The following GNB4 variants were observed in gnomAD, a reference collection of about 807,000 sequenced individuals.
GNB4 encodes G protein subunit beta 4, also known as guanine nucleotide-binding protein subunit beta-4.
Under a neutral mutation model 45.2 loss-of-function variants are expected in GNB4, and 28 were observed. The ratio of observed to expected loss-of-function variants is 0.62; its 90% CI spans 0.46 to 0.85. The LOEUF (loss-of-function observed/expected upper bound fraction) is 0.85, where lower values mean the gene tolerates loss of function less well. GNB4 is among the 40% of genes least tolerant of loss of function. The probability of loss-of-function intolerance (pLI) is 0.00; values close to 1 mark genes in which losing one functional copy is unlikely to be tolerated. For synonymous variants in GNB4, 132 were observed against 143.7 expected, an observed-to-expected ratio of 0.92 and a Z score of 0.58; for missense variants, 321 against 425.4, an observed-to-expected ratio of 0.75 and a Z score of 2.16.
At position 179,409,680 on chromosome 3, in the gene GNB4, T is replaced by G. The variant is rs7651877; in HGVS notation, c.699+3732A>C. ...CAAAAATTAGCTGGGCGTGGTGGTG[T>G]GCGCCTGTAGTCTCAGTTACTTCGA... On this transcript the variant is annotated intron_variant, in intron 8 of 9. Transcript: ENST00000232564. Among the ~76,000 whole-genome samples, 19 of 151,310 alleles carry G rather than the reference T, an allele frequency of 1.3e-4. No homozygotes were observed. The East Asian group carries it at 3.1e-3, about 25-fold the overall frequency.
At chr3:179,427,217 C>T (rs1213439098) in intron 1 of GNB4, among the ~76,000 whole-genome samples, 2 of 152,040 alleles carry the variant, frequency 1.3e-5, no homozygotes, top group Admixed American at 1.3e-4. Context: ...CACATGTGCA[C>T]CCAAACATGC....
chr3:179,409,826 AACAAAAC>A (rs1714596240), intron 8 of GNB4, among the ~76,000 whole-genome samples: 1 of 116,866 alleles, frequency 8.6e-6, no homozygotes, highest in African/African-American at 3.4e-5. Flanking sequence ...AAAACAAAAA[AACAAAAC>A]AAAAAAAAAA....
the GNB4 span, among the ~76,000 whole-genome samples, chr3:179,504,860 G>T: frequency 1.3e-5 from 2 of 152,274 alleles, no homozygotes; most frequent in Admixed American, 6.5e-5. Flanking sequence ...AGAGAAACTG[G>T]CTCTGGGGTG....
the GNB4 span, among the ~76,000 whole-genome samples, chr3:179,502,052 G>T: frequency 1.3e-5 from 2 of 151,976 alleles, no homozygotes; most frequent in Admixed American, 6.6e-5. Context: ...ATTTCAGTGG[G>T]AATGATCTTA....
chr3:179,445,162 T>C (rs1435927512), intron 1 of GNB4, among the ~76,000 whole-genome samples: 3 of 152,240 alleles, frequency 2.0e-5, no homozygotes, highest in African/African-American at 7.2e-5. Context: ...GAGAAATTGA[T>C]AGAATCTGTT....
chr3:179,481,283 A>G, the GNB4 span, among the ~76,000 whole-genome samples: 1 of 152,198 alleles, frequency 6.6e-6, no homozygotes, highest in Non-Finnish European at 1.5e-5. Flanking sequence ...AAAGACAGCC[A>G]AAGTCATTGC....
intron 1 of GNB4, among the ~76,000 whole-genome samples, chr3:179,427,937 C>T (rs1715193563): frequency 6.6e-6 from 1 of 152,042 alleles, no homozygotes; most frequent in Admixed American, 6.6e-5. Context: ...AAGTACAAAA[C>T]CCAAGCCTAT....
chr3:179,527,786 ATGTATG>A, the GNB4 span, among the ~76,000 whole-genome samples: 7,395 of 124,892 alleles, frequency 0.059, 221 homozygotes, highest in Middle Eastern at 0.12. Flanking sequence ...GCGTGTGTGT[ATGTATG>A]TGTGTGTGTG....
the GNB4 span, among the ~76,000 whole-genome samples, chr3:179,495,594 T>G: frequency 2.7e-4 from 31 of 115,166 alleles, no homozygotes; most frequent in Admixed American, 5.9e-4. Context: ...AAGCAGGGAG[T>G]CAGGGAGGGA....
chr3:179,443,251 T>A (rs1715638526), intron 1 of GNB4, among the ~76,000 whole-genome samples: 1 of 152,120 alleles, frequency 6.6e-6, no homozygotes, highest in South Asian at 2.1e-4. Flanking sequence ...AAGTAAAATA[T>A]CTTATGGCTG....
the GNB4 span, chr3:179,464,845 G>T: frequency 1.5e-6 from 2 of 1,337,464 alleles, no homozygotes; most frequent in Non-Finnish European, 2.2e-6. Flanking sequence ...GAATGTGTTT[G>T]GACCAGTATT....
intron 1 of GNB4, among the ~76,000 whole-genome samples, chr3:179,436,046 CCAA>C (rs1715438528): frequency 1.3e-5 from 2 of 152,138 alleles, no homozygotes; most frequent in Admixed American, 6.5e-5. Flanking sequence ...AAGTTTCATA[CCAA>C]TCATGAAAGC....
chr3:179,516,886 G>A, the GNB4 span, among the ~76,000 whole-genome samples: 10 of 152,118 alleles, frequency 6.6e-5, no homozygotes, highest in Non-Finnish European at 1.0e-4. Context: ...TAACCATTGC[G>A]CTGAGTGATG....
At chr3:179,446,837 C>T (rs114042047) in intron 1 of GNB4, among the ~76,000 whole-genome samples, 218 of 152,306 alleles carry the variant, frequency 1.4e-3, no homozygotes, top group African/African-American at 2.6e-3. Flanking sequence ...CCATTTGAAA[C>T]GGCATTAGCT....
chr3:179,495,588 AG>A, the GNB4 span, among the ~76,000 whole-genome samples: 5 of 149,836 alleles, frequency 3.3e-5, no homozygotes, highest in Non-Finnish European at 5.9e-5. Flanking sequence ...GAAAGGAAGC[AG>A]GGAGTCAGGG....
At chr3:179,452,054 A>T (rs1167816767), upstream of GNB4, among the ~76,000 whole-genome samples, 3 of 152,186 alleles carry the variant, frequency 2.0e-5, no homozygotes, top group African/African-American at 7.2e-5. Context: ...GGTGCTAAGC[A>T]TATTAAATGA....
the GNB4 span, among the ~76,000 whole-genome samples, chr3:179,501,296 A>G: frequency 7.9e-6 from 1 of 126,478 alleles, no homozygotes; most frequent in Non-Finnish European, 1.6e-5. Flanking sequence ...CCAATTGCCT[A>G]CATTTTTTTT....
At chr3:179,517,395 T>A in the GNB4 span, among the ~76,000 whole-genome samples, 2 of 152,176 alleles carry the variant, frequency 1.3e-5, no homozygotes, top group Admixed American at 6.5e-5. Context: ...CTTTTCGGAC[T>A]CAGCCCGCCT....
intron 1 of GNB4, among the ~76,000 whole-genome samples, chr3:179,429,007 C>T (rs1276001047): frequency 6.6e-6 from 1 of 152,206 alleles, no homozygotes; most frequent in Non-Finnish European, 1.5e-5. Flanking sequence ...GCAGTTCCCT[C>T]ACCACCATCA....
Sources: allele counts gnomAD v4.1 joint callset (sites outside exome capture counted in the v4.1 genomes callset), GRCh38; gene constraint gnomAD v4.1.1; transcripts MANE v1.5; gene names NCBI Gene and HGNC (gene_info 2026-07-23, HGNC 2026-07-21).